Variants in ITPRID1 observed in about 807,000 individuals in gnomAD.
ITPRID1 encodes protein ITPRID1.
A neutral mutation model predicts 95.4 loss-of-function variants in ITPRID1; 96 were observed. The ratio of observed to expected loss-of-function variants is 1.01; its 90% confidence interval spans 0.85 to 1.19. ITPRID1 has a LOEUF of 1.19. Among genes scored for constraint, ITPRID1 ranks in the 50% most tolerant of loss-of-function variants. The pLI, the probability that ITPRID1 is intolerant of heterozygous loss-of-function variation, is 0.00. For missense variants in ITPRID1, 1,339 were observed against 1,252.9 expected (o/e 1.07, Z -1.04); for synonymous variants, 510 against 453.6 (o/e 1.12, Z -1.58).
intron 10 of ITPRID1, among the ~76,000 whole-genome samples, chr7:31,604,205 A>C (rs1405972450): frequency 6.6e-6 from 1 of 152,228 alleles, no homozygotes; most frequent in Non-Finnish European, 1.5e-5. Flanking sequence ...CAGGCACTAC[A>C]TAAAGCACTT....
At chr7:31,651,862 A>G in intron 13 of ITPRID1, 77 bp from the exon 14 acceptor site, 1 of 963,412 alleles carries the variant, frequency 1.0e-6, no homozygotes, top group Non-Finnish European at 1.6e-6. Flanking sequence ...GGAAGAACCT[A>G]TATTATGAGG....
At chr7:31,599,694 T>TCTCTC (rs1562599189) in intron 10 of ITPRID1, among the ~76,000 whole-genome samples, 20 of 95,954 alleles carry the variant, frequency 2.1e-4, no homozygotes, top group African/African-American at 7.5e-4. Context: ...CTCTCTCTCT[T>TCTCTC]TCTTTCTTTC....
chr7:31,516,295 T>TTCCCA (rs2128125438), intron 1 of ITPRID1, among the ~76,000 whole-genome samples: 1 of 152,346 alleles, frequency 6.6e-6, no homozygotes, highest in South Asian at 2.1e-4. Context: ...TATGTATGTG[T>TTCCCA]GTACTATTGG....
chr7:31,534,278 G>T (rs1185295166), intron 1 of ITPRID1, among the ~76,000 whole-genome samples: 1 of 152,166 alleles, frequency 6.6e-6, no homozygotes, highest in Non-Finnish European at 1.5e-5. Flanking sequence ...GTATTTTGCT[G>T]GGTGGAGTGT....
At chr7:31,626,717 T>C (rs765095454) in intron 10 of ITPRID1, among the ~76,000 whole-genome samples, 5 of 151,926 alleles carry the variant, frequency 3.3e-5, no homozygotes, top group Non-Finnish European at 7.3e-5. Flanking sequence ...CCAAAACTCT[T>C]GTTGTGGCAG....
In ITPRID1 at chr7:31,643,546, T is replaced by C; in HGVS notation, c.2176T>C (p.Leu726=). Residue 726 remains leucine, a synonymous_variant, in exon 12 of 15, where the codon TTG becomes CTG. Coordinates refer to ENST00000615280, the MANE Select transcript of ITPRID1 (RefSeq NM_001257967.3). ...GTCGGCTGCTCAGAGGGCTGTGGCC[T>C]TGGGGACTGGTCCCAGAGGAACATC... ...LVSAAQRAVA[L]GTGPRGTSLE... 1 of 1,614,056 alleles carries C rather than the reference T, an allele frequency of 6.2e-7. No homozygotes were observed. The highest frequency in any genetic ancestry group is 1.1e-5 in the South Asian group (1 of 91,086).
intron 6 of ITPRID1, among the ~76,000 whole-genome samples, chr7:31,571,059 GTC>G (rs1784970768): frequency 6.6e-6 from 1 of 151,850 alleles, no homozygotes; most frequent in Non-Finnish European, 1.5e-5. Context: ...TTGAGACAGA[GTC>G]TCTGTCACCC....
In ITPRID1 at chr7:31,643,015, G is replaced by C. The variant is rs73686905; in HGVS notation, c.1645G>C (p.Ala549Pro). 10,409 of 1,613,994 alleles carry C rather than the reference G, an allele frequency of 6.4e-3. 597 individuals are homozygous for C. The African/African-American group carries it at 0.12, about 19-fold the overall frequency. The change falls in exon 12 of 15, where the codon GCT becomes CCT. Residue 549 changes from alanine (A) to proline (P), a missense_variant. By Grantham distance (27) the Ala-to-Pro change is conservative (BLOSUM62 -1). Transcript: ENST00000615280. ...GTGGCAGCTTCTGCCAATGCCCCAT[G>C]CTGAGTATGAGGTCACCAGACCCAC... ...HLWQLLPMPH[A>P]EYEVTRPTAT...
intron 10 of ITPRID1, among the ~76,000 whole-genome samples, chr7:31,610,421 G>T (rs1388049065): frequency 6.6e-6 from 1 of 151,650 alleles, no homozygotes; most frequent in African/African-American, 2.4e-5. Flanking sequence ...ATGGCAAACA[G>T]AAATCCTATC....
chr7:31,553,323 C>A, intron 3 of ITPRID1, 136 bp downstream of exon 3: 1 of 799,234 alleles, frequency 1.3e-6, no homozygotes, highest in Non-Finnish European at 1.9e-6. Context: ...TGGCATGATG[C>A]CGGAAACATT....
chr7:31,525,963 T>TA (rs59590454), intron 1 of ITPRID1, among the ~76,000 whole-genome samples: 2,875 of 151,976 alleles, frequency 0.019, 94 homozygotes, highest in African/African-American at 0.065. Context: ...CTGGGAATGT[T>TA]AAAAAAAATA....
chr7:31,519,645 T>TATATATATATATATAAAA (rs1332451516), intron 1 of ITPRID1, among the ~76,000 whole-genome samples: 4 of 115,118 alleles, frequency 3.5e-5, no homozygotes, highest in Non-Finnish European at 5.1e-5. Context: ...TATATATATA[T>TATATATATATATATAAAA]AAATCTTATG....
chr7:31,515,570 C>T (rs181668760), intron 1 of ITPRID1, among the ~76,000 whole-genome samples: 18 of 151,996 alleles, frequency 1.2e-4, no homozygotes, highest in Non-Finnish European at 1.6e-4. Flanking sequence ...AGCAAAACTC[C>T]GTCTCAAAAA....
intron 1 of ITPRID1, among the ~76,000 whole-genome samples, chr7:31,520,606 C>T (rs1488320541): frequency 6.6e-6 from 1 of 150,644 alleles, no homozygotes; most frequent in Non-Finnish European, 1.5e-5. Flanking sequence ...TACTTTCTGG[C>T]ACTATAAAGT....
Position 31,553,141 on chromosome 7 carries a change from C to G in ITPRID1, c.117C>G (p.Pro39=). 6.3e-7 allele frequency: 1 copy of G among 1,592,374 alleles called. No homozygotes were observed. Among genetic ancestry groups the G allele is most frequent in the Non-Finnish European group, 8.6e-7 (1 of 1,168,562 alleles). ...SAWAPLDEWL[P]PDPEEESQSL... ...GGGCTCCGCTGGATGAGTGGCTGCC[C>G]CCTGACCCTGAGGAGGAAAGCCAGA... The change falls in exon 3 of 15, where the codon CCC becomes CCG. Residue 39 remains proline, a synonymous_variant. Transcript: ENST00000615280.
intron 1 of ITPRID1, among the ~76,000 whole-genome samples, chr7:31,542,819 T>A (rs567138610): frequency 6.6e-6 from 1 of 152,286 alleles, no homozygotes; most frequent in African/African-American, 2.4e-5. Context: ...CAAAAATGTA[T>A]GCTGACAACT....
intron 1 of ITPRID1, among the ~76,000 whole-genome samples, chr7:31,516,980 T>A (rs1298489122): frequency 6.6e-6 from 1 of 152,220 alleles, no homozygotes; most frequent in Non-Finnish European, 1.5e-5. Flanking sequence ...CACTTCGTGG[T>A]CTGGCTGACT....
At chr7:31,638,728 T>TTTTTATAAAAACCC (rs1369139392) in intron 10 of ITPRID1, among the ~76,000 whole-genome samples, 2 of 152,066 alleles carry the variant, frequency 1.3e-5, no homozygotes, top group Admixed American at 1.3e-4. Context: ...ATTTTAAGGG[T>TTTTTATAAAAACCC]TTTTATAAAA....
At position 31,656,116 on chromosome 7, in the gene ITPRID1, C is replaced by T. The variant is rs993975437; in HGVS notation, c.*3287C>T. The T allele has an allele frequency of 1.1e-4, 84 of 739,090 alleles. 1 individual carries two copies. The African/African-American group carries it at 1.5e-3, about 13-fold the overall frequency. 45.8% of individuals were successfully genotyped at this position (739,090 alleles called of 1,614,324 possible). On this transcript the variant is annotated 3_prime_UTR_variant, in exon 15 of 15. Coordinates refer to ENST00000615280, the MANE Select transcript of ITPRID1 (RefSeq NM_001257967.3). Reference sequence around the variant, plus strand: ...CAGAAGTGATCCTTATTTTTTGAAACTCCTATATCACTTTGCTTTTTTGTT... The same window carrying T: ...CAGAAGTGATCCTTATTTTTTGAAATTCCTATATCACTTTGCTTTTTTGTT...
Sources: allele counts gnomAD v4.1 joint callset (sites outside exome capture counted in the v4.1 genomes callset), GRCh38; gene constraint gnomAD v4.1.1; transcripts MANE v1.5; gene names NCBI Gene and HGNC (gene_info 2026-07-23, HGNC 2026-07-21).